The following KCNG3 variants were observed in gnomAD, a reference collection of about 807,000 sequenced individuals.
KCNG3 encodes voltage-gated potassium channel regulatory subunit KCNG3.
A neutral mutation model predicts 29.0 loss-of-function variants in KCNG3; 15 were observed. The observed-to-expected ratio is 0.52, with a 90% CI of 0.35 to 0.80. The LOEUF is 0.80. KCNG3 is among the 30% of genes least tolerant of loss of function. KCNG3 has a pLI of 0.01. For synonymous variants in KCNG3, 322 were observed against 248.9 expected, an observed-to-expected ratio of 1.29 and a Z score of -2.76; for missense variants, 512 against 605.7, an observed-to-expected ratio of 0.85 and a Z score of 1.62.
the KCNG3 span, among the ~76,000 whole-genome samples, chr2:42,431,891 G>A: frequency 6.6e-6 from 1 of 152,112 alleles, no homozygotes; most frequent in Non-Finnish European, 1.5e-5. Flanking sequence ...TACAAAAAAT[G>A]AGCCAGGCAT....
chr2:42,412,728 C>T, the KCNG3 span, among the ~76,000 whole-genome samples: 2 of 151,964 alleles, frequency 1.3e-5, no homozygotes, highest in South Asian at 2.1e-4. Context: ...ACCAACTTTC[C>T]TTATACTAGT....
intron 1 of KCNG3, among the ~76,000 whole-genome samples, chr2:42,465,767 C>T (rs113013566): frequency 0.018 from 2,701 of 152,192 alleles, 89 homozygotes; most frequent in African/African-American, 0.061. Flanking sequence ...GTACAAAGAA[C>T]TCCTGAAACT....
the KCNG3 span, among the ~76,000 whole-genome samples, chr2:42,417,559 T>C: frequency 6.6e-6 from 1 of 152,114 alleles, no homozygotes; most frequent in African/African-American, 2.4e-5. Flanking sequence ...TGGGCTCAAG[T>C]GATCTGCCGA....
intron 1 of KCNG3, among the ~76,000 whole-genome samples, chr2:42,485,808 A>T (rs377083618): frequency 6.6e-6 from 1 of 152,158 alleles, no homozygotes. Flanking sequence ...CAGAACATTA[A>T]TCTCCTTGGA....
chr2:42,486,393 G>A (rs1483888160), intron 1 of KCNG3, among the ~76,000 whole-genome samples: 1 of 152,166 alleles, frequency 6.6e-6, no homozygotes, highest in Non-Finnish European at 1.5e-5. Flanking sequence ...ATCTGCTGTT[G>A]ACCCTCCCTT....
In KCNG3 at chr2:42,480,086, C is replaced by T. The variant is rs183591999; in HGVS notation, c.665+12751G>A. On this transcript the variant is annotated intron_variant, in intron 1 of 1. Coordinates refer to ENST00000306078, the MANE Select transcript of KCNG3 (RefSeq NM_133329.6). ...ACTTAACTTCTAAATACTTGATATC[C>T]CACACCAACCATAAAAGCCCCTGTT... Among the ~76,000 whole-genome samples, 364 of 152,212 alleles carry T rather than the reference C, an allele frequency of 2.4e-3. 2 individuals are homozygous for T. Among genetic ancestry groups the T allele is most frequent in the African/African-American group, 8.4e-3 (347 of 41,532 alleles).
At chr2:42,413,060 C>T in the KCNG3 span, among the ~76,000 whole-genome samples, 1 of 152,104 alleles carries the variant, frequency 6.6e-6, no homozygotes, top group Non-Finnish European at 1.5e-5. Context: ...GCTTTTATCC[C>T]CAGGGCTCAA....
chr2:42,480,541 T>C (rs114559204), intron 1 of KCNG3, among the ~76,000 whole-genome samples: 2,120 of 152,280 alleles, frequency 0.014, 38 homozygotes, highest in African/African-American at 0.048. Context: ...AAACAATATG[T>C]AAAAGAATGA....
chr2:42,431,128 A>C, the KCNG3 span, among the ~76,000 whole-genome samples: 1 of 151,714 alleles, frequency 6.6e-6, no homozygotes, highest in African/African-American at 2.4e-5. Flanking sequence ...AAAAAATTAT[A>C]AAACATTTAT....
At chr2:42,436,038 ATAT>A in the KCNG3 span, among the ~76,000 whole-genome samples, 1 of 152,250 alleles carries the variant, frequency 6.6e-6, no homozygotes, top group Non-Finnish European at 1.5e-5. Context: ...ATACAAGGAA[ATAT>A]TATTCAGTCG....
At chr2:42,409,075 A>G in the KCNG3 span, among the ~76,000 whole-genome samples, 2 of 152,142 alleles carry the variant, frequency 1.3e-5, no homozygotes, top group African/African-American at 2.4e-5. Context: ...GACTGTGTGC[A>G]GTGGCCAGAC....
chr2:42,453,228 G>C (rs970244864), intron 1 of KCNG3, among the ~76,000 whole-genome samples: 19 of 152,202 alleles, frequency 1.2e-4, no homozygotes, highest in African/African-American at 4.3e-4. Flanking sequence ...CAGTGGGATT[G>C]CTGGATCATA....
chr2:42,421,373 G>A, the KCNG3 span, among the ~76,000 whole-genome samples: 1 of 152,112 alleles, frequency 6.6e-6, no homozygotes, highest in African/African-American at 2.4e-5. Context: ...ATCTATTATA[G>A]GGTTCAGTCA....
intron 1 of KCNG3, among the ~76,000 whole-genome samples, chr2:42,489,227 A>G (rs537357757): frequency 6.6e-6 from 1 of 152,070 alleles, no homozygotes; most frequent in South Asian, 2.1e-4. Flanking sequence ...CATGTCTACA[A>G]AAAATGTTCT....
the KCNG3 span, among the ~76,000 whole-genome samples, chr2:42,420,206 G>C: frequency 1.3e-5 from 2 of 151,944 alleles, no homozygotes; most frequent in Admixed American, 1.3e-4. Flanking sequence ...TCTGGGTGAC[G>C]AGTGAAAAGA....
the KCNG3 span, among the ~76,000 whole-genome samples, chr2:42,411,635 A>G: frequency 6.6e-6 from 1 of 152,096 alleles, no homozygotes; most frequent in Non-Finnish European, 1.5e-5. Context: ...GGTGTGCACC[A>G]CCACTCCCAG....
At chr2:42,488,013 A>C (rs1673771955) in intron 1 of KCNG3, among the ~76,000 whole-genome samples, 1 of 152,214 alleles carries the variant, frequency 6.6e-6, no homozygotes, top group African/African-American at 2.4e-5. Flanking sequence ...GCTTTTGTAA[A>C]TATATATAAT....
the KCNG3 span, among the ~76,000 whole-genome samples, chr2:42,432,941 AAAAAAAAC>A: frequency 6.8e-6 from 1 of 147,812 alleles, no homozygotes; most frequent in Admixed American, 6.7e-5. Context: ...TGATAAAAAA[AAAAAAAAC>A]AAAAAAACAA....
chr2:42,393,876 G>T, the KCNG3 span, among the ~76,000 whole-genome samples: 6 of 151,838 alleles, frequency 4.0e-5, no homozygotes, highest in Non-Finnish European at 7.4e-5. Flanking sequence ...CACCTCCCAG[G>T]TTCAAGCAAT....
Sources: gnomAD v4.1 joint callset for allele counts (sites outside exome capture counted in the v4.1 genomes callset) on GRCh38, gnomAD v4.1.1 for gene constraint, MANE v1.5 for transcripts, NCBI Gene and HGNC (gene_info 2026-07-23, HGNC 2026-07-21) for gene names.